PRTN3: variants seen among roughly 807,000 people sequenced by gnomAD.
PRTN3 encodes the protein myeloblastin.
Under a neutral mutation model 20.7 loss-of-function variants are expected in PRTN3, and 22 were observed. The ratio of observed to expected loss-of-function variants is 1.06; its 90% confidence interval spans 0.76 to 1.52. PRTN3 has a LOEUF of 1.52. Ranked by LOEUF, PRTN3 falls within the 40% of genes most tolerant of loss-of-function variation. The pLI is 0.00. For synonymous variants in PRTN3, 173 were observed against 152.9 expected (o/e 1.13, Z -0.97); for missense variants, 378 against 359.6 (o/e 1.05, Z -0.41).
intron 3 of PRTN3, 108 bp downstream of exon 3, chr19:844,142 A>ACCGAGG (rs2035483308): frequency 2.2e-6 from 3 of 1,394,918 alleles, no homozygotes; most frequent in Middle Eastern, 2.5e-4. Context: ...CCGGGCCACG[A>ACCGAGG]CCGAGGCCGC....
Position 846,281 on chromosome 19 carries a change from G to C in PRTN3, c.504G>C (p.Gln168His). The C allele has an allele frequency of 6.3e-7, 1 of 1,589,786 alleles. No individual in the cohort carries two copies. The highest frequency in any genetic ancestry group is 8.6e-7 in the Non-Finnish European group (1 of 1,168,820). Residue 168 changes from glutamine (Q) to histidine (H), a missense_variant, in exon 4 of 5, where the codon CAG (glutamine) becomes CAC (histidine). Coordinates refer to ENST00000234347, the MANE Select transcript of PRTN3 (RefSeq NM_002777.4). ...GRVGAHDPPA[Q>H]VLQELNVTVV... ...TGGGTGCCCACGACCCCCCAGCCCA[G>C]GTCCTGCAGGAGCTCAATGTCACCG... is the stretch of plus-strand genomic sequence containing the variant.
chr19:844,522 C>T (rs2145129452), intron 3 of PRTN3, among the ~76,000 whole-genome samples: 1 of 133,962 alleles, frequency 7.5e-6, no homozygotes, highest in Admixed American at 7.8e-5. Flanking sequence ...CTGCCTGCCC[C>T]TCTCCCCTGC....
chr19:842,478 G>T, intron 1 of PRTN3, among the ~76,000 whole-genome samples: 1 of 124,840 alleles, frequency 8.0e-6, no homozygotes, highest in Non-Finnish European at 1.6e-5. Context: ...GGAGTGCAGT[G>T]GTGTGATCTC....
chr19:844,945 CA>C (rs971461707), intron 3 of PRTN3, among the ~76,000 whole-genome samples: 9 of 81,038 alleles, frequency 1.1e-4, no homozygotes, highest in East Asian at 3.5e-4. Context: ...CTATAAAAGA[CA>C]TTTTTTTTTT....
intron 3 of PRTN3, 37 bp downstream of exon 3, chr19:844,071 G>C (rs1286826300): frequency 4.5e-6 from 7 of 1,570,112 alleles, no homozygotes; most frequent in Non-Finnish European, 6.0e-6. Context: ...GGAGGGGCAC[G>C]GCCAGAGGGC....
At chr19:841,443 A>G (rs2035437109) in intron 1 of PRTN3, among the ~76,000 whole-genome samples, 1 of 152,180 alleles carries the variant, frequency 6.6e-6, no homozygotes, top group Admixed American at 6.6e-5. Flanking sequence ...TGAGTGAATG[A>G]GTGAACAAAT....
intron 3 of PRTN3, among the ~76,000 whole-genome samples, chr19:844,943 G>T (rs978694647): frequency 1.6e-4 from 18 of 115,652 alleles, no homozygotes; most frequent in African/African-American, 4.7e-4. Context: ...CTCTATAAAA[G>T]ACATTTTTTT....
chr19:843,193 G>A (rs775739845), intron 1 of PRTN3: 3 of 494,496 alleles, frequency 6.1e-6, no homozygotes, highest in Non-Finnish European at 1.1e-5. Flanking sequence ...TGGGATTACA[G>A]GCGTGAGCCA....
chr19:846,032 A>AGCG (rs2035511276), intron 3 of PRTN3, 115 bp from the exon 4 acceptor site: 2 of 642,090 alleles, frequency 3.1e-6, no homozygotes, highest in Admixed American at 6.8e-5. Context: ...AGGCGGAGGG[A>AGCG]GCGGCATCCG....
chr19:843,458 C>A lies in PRTN3; in HGVS notation c.62-3C>A. 13 of 1,557,026 alleles carry A rather than the reference C, an allele frequency of 8.3e-6. No individual in the cohort carries two copies. The highest frequency in any genetic ancestry group is 1.1e-5 in the Non-Finnish European group (13 of 1,156,174). ...CCCTGACGCCTGGACTCCCCCCCTG[C>A]AGGTGCTGCCCGAGCTGCGGAGATC... On this transcript the variant is annotated splice_polypyrimidine_tract_variant and splice_region_variant and intron_variant, in intron 1 of 4. Coordinates refer to ENST00000234347, the MANE Select transcript of PRTN3 (RefSeq NM_002777.4).
At chr19:843,790 G>A (rs2035477257) in intron 2 of PRTN3, 103 bp from the exon 3 acceptor site, 2 of 1,457,264 alleles carry the variant, frequency 1.4e-6, no homozygotes, top group Admixed American at 2.6e-5. Flanking sequence ...GGGCAGGGTC[G>A]CCGAGGGAGG....
chr19:846,594 C>T (rs1253258176), intron 4 of PRTN3, among the ~76,000 whole-genome samples: 1 of 152,144 alleles, frequency 6.6e-6, no homozygotes, highest in African/African-American at 2.4e-5. Flanking sequence ...GGGTTCCCTG[C>T]CCCCCACTCC....
At position 843,455 on chromosome 19, in the gene PRTN3, C is replaced by G. The variant is rs765703088; in HGVS notation, c.62-6C>G. The G allele has an allele frequency of 2.2e-5, 34 of 1,554,546 alleles. No individual in the cohort carries two copies. Among genetic ancestry groups the G allele is most frequent in the African/African-American group, 2.7e-5 (2 of 73,588 alleles). ...GCTCCCTGACGCCTGGACTCCCCCC[C>G]TGCAGGTGCTGCCCGAGCTGCGGAG... is the stretch of plus-strand genomic sequence containing the variant. On this transcript the variant is annotated splice_region_variant and splice_polypyrimidine_tract_variant and intron_variant, in intron 1 of 4. Coordinates refer to ENST00000234347, the MANE Select transcript of PRTN3 (RefSeq NM_002777.4).
chr19:842,317 GATTTT>G (rs749562798), intron 1 of PRTN3, among the ~76,000 whole-genome samples: 1 of 73,738 alleles, frequency 1.4e-5, no homozygotes, highest in African/African-American at 5.9e-5. Flanking sequence ...TTTGTTGGCT[GATTTT>G]TTTTTTTTTT....
Position 845,879 on chromosome 19 carries a change from C to T in PRTN3, c.370-268C>T, listed in dbSNP as rs539240497. 5.3e-5 allele frequency among the ~76,000 whole-genome samples: 8 copies of T among 151,670 alleles called. No individual in the cohort carries two copies. The East Asian group carries it at 5.8e-4, about 11-fold the overall frequency. The stretch of plus-strand genomic sequence containing the variant: ...GCCACCTCACCCAATGGGATGGCTC[C>T]GGGAGGTTCCAGTGAGCCGAGATCA... On this transcript the variant is annotated intron_variant, in intron 3 of 4. Coordinates refer to ENST00000234347, the MANE Select transcript of PRTN3 (RefSeq NM_002777.4).
rs1257195866 is a variant in PRTN3, at chr19:843,479, A to T, written c.80A>T (p.Glu27Val). 2 of 1,576,016 alleles carry T rather than the reference A, an allele frequency of 1.3e-6. No homozygotes were observed. Among genetic ancestry groups the T allele is most frequent in the Non-Finnish European group, 1.7e-6 (2 of 1,165,354 alleles). The change falls in exon 2 of 5, where the codon GAG becomes GTG. Residue 27 changes from glutamate (E) to valine (V), a missense_variant. Physicochemically the swap from Glu to Val is moderately radical, Grantham distance 121 (BLOSUM62 -2). Transcript: ENST00000234347. Reference protein sequence around the residue: ...LLLSGAARAAEIVGGHEAQPH... With the variant: ...LLLSGAARAAVIVGGHEAQPH... ...CCTGCAGGTGCTGCCCGAGCTGCGG[A>T]GATCGTGGGCGGGCACGAGGCGCAG...
chr19:843,287 C>A (rs1207102641), intron 1 of PRTN3, 174 bp from the exon 2 acceptor site: 3 of 633,474 alleles, frequency 4.7e-6, no homozygotes, highest in Non-Finnish European at 7.9e-6. Flanking sequence ...CTTTGGAAAT[C>A]GTCGTAATTA....
chr19:846,188 C>T lies in PRTN3; in HGVS notation c.411C>T (p.Val137=). Residue 137 remains valine (V), a synonymous_variant, in exon 4 of 5, where the codon GTC becomes GTT. Coordinates refer to ENST00000234347, the MANE Select transcript of PRTN3 (RefSeq NM_002777.4). ...ACCTCAGTGCCTCCGTCGCCACAGTCCAGCTGCCACAGCAGGACCAGCCAG... is the reference window on the plus strand; with the variant it reads ...ACCTCAGTGCCTCCGTCGCCACAGTTCAGCTGCCACAGCAGGACCAGCCAG... ...PANLSASVAT[V]QLPQQDQPVP... is the part of the protein sequence containing the mutation. The T allele has an allele frequency of 1.3e-6, 2 of 1,520,998 alleles. No individual in the cohort carries two copies. The highest frequency in any genetic ancestry group is 1.8e-6 in the Non-Finnish European group (2 of 1,131,790). 94.2% of individuals were successfully genotyped at this position (1,520,998 alleles called of 1,614,324 possible).
intron 1 of PRTN3, among the ~76,000 whole-genome samples, chr19:842,628 G>A (rs2035461328): frequency 8.8e-6 from 1 of 113,280 alleles, no homozygotes; most frequent in African/African-American, 3.6e-5. Flanking sequence ...TCATTCTGTT[G>A]CCAGGCTGGA....
Sources: gnomAD v4.1 joint callset for allele counts (sites outside exome capture counted in the v4.1 genomes callset) on GRCh38, gnomAD v4.1.1 for gene constraint, MANE v1.5 for transcripts, NCBI Gene and HGNC (gene_info 2026-07-23, HGNC 2026-07-21) for gene names.